The following PTPRA variants were observed in gnomAD, a reference collection of about 807,000 sequenced individuals.
PTPRA encodes the protein receptor-type tyrosine-protein phosphatase alpha.
In PTPRA, 25 loss-of-function variants were observed where a neutral mutation model predicts 104.8. The ratio of observed to expected loss-of-function variants is 0.24; its 90% CI spans 0.17 to 0.33. The LOEUF is 0.33. PTPRA is among the 10% of genes least tolerant of loss of function. The pLI is 1.00. For synonymous variants in PTPRA, 323 were observed against 368.9 expected, an observed-to-expected ratio of 0.88 and a Z score of 1.43; for missense variants, 765 against 1,015.3, an observed-to-expected ratio of 0.75 and a Z score of 3.35.
intron 10 of PTPRA, among the ~76,000 whole-genome samples, chr20:3,006,819 C>T (rs1361311303): frequency 2.0e-5 from 3 of 152,096 alleles, no homozygotes; most frequent in South Asian, 2.1e-4. Flanking sequence ...TTAGTAGAGA[C>T]GGAGTTTCAC....
rs1280410788 is a variant in PTPRA at position 2,884,832 on chromosome 20, C to T, written c.-129+11072C>T. Reference sequence around the variant, plus strand: ...TTTTTGTTTTTTTTTTTTTTTGAGACGGAGTCTCGCTCTGTCGCCCAGGCT... The same window carrying T: ...TTTTTGTTTTTTTTTTTTTTTGAGATGGAGTCTCGCTCTGTCGCCCAGGCT... On this transcript the variant is annotated intron_variant, in intron 1 of 23. Coordinates refer to ENST00000399903, the MANE Select transcript of PTPRA (RefSeq NM_001385305.1). Among the ~76,000 whole-genome samples the T allele has an allele frequency of 4.4e-5, 6 of 137,348 alleles. No homozygotes were observed. In the South Asian group the frequency reaches 6.9e-4, roughly 16 times the overall value. The allele number at this position is 137,348 out of a possible 152,430, so 90.1% of individuals were successfully genotyped here.
chr20:3,037,145 C>G lies in PTPRA; in HGVS notation c.2199-9C>G, dbSNP rs545506432. 1,643 of 1,613,362 alleles carry G rather than the reference C, an allele frequency of 1.0e-3. 25 individuals carry two copies. In the South Asian group the frequency reaches 0.017, roughly 16 times the overall value. Reference sequence around the variant, plus strand: ...CACAGGTGTGGTAAATGTGTCTGCTCTGTTGCAGCGCCGGGGCAGGAAGGA... The same window carrying G: ...CACAGGTGTGGTAAATGTGTCTGCTGTGTTGCAGCGCCGGGGCAGGAAGGA... On this transcript the variant is annotated splice_polypyrimidine_tract_variant and intron_variant, in intron 22 of 23. Coordinates refer to ENST00000399903, the MANE Select transcript of PTPRA (RefSeq NM_001385305.1). The surrounding 1 kb of genome is among the most constrained non-coding windows in gnomAD (Gnocchi z 4.3).
chr20:3,031,339 G>A (rs113835635), intron 20 of PTPRA, among the ~76,000 whole-genome samples: 88 of 151,688 alleles, frequency 5.8e-4, no homozygotes, highest in African/African-American at 2.1e-3. Context: ...AGGCCGTAAC[G>A]TGAACACACA....
chr20:2,923,844 T>C (rs1390310197), intron 2 of PTPRA, among the ~76,000 whole-genome samples: 1 of 152,112 alleles, frequency 6.6e-6, no homozygotes, highest in Non-Finnish European at 1.5e-5. Flanking sequence ...CCTGCCAGCA[T>C]TGAATTAAAG....
chr20:2,898,166 G>A (rs1334041939), intron 1 of PTPRA, among the ~76,000 whole-genome samples: 8 of 151,702 alleles, frequency 5.3e-5, no homozygotes, highest in Admixed American at 2.6e-4. Flanking sequence ...GCGCGATCTC[G>A]GCTCACTGCA....
At position 2,986,747 on chromosome 20, in the gene PTPRA, C is replaced by A. The variant is rs749274732; in HGVS notation, c.443-18C>A. On this transcript the variant is annotated intron_variant, in intron 6 of 23. Transcript: ENST00000399903. ...TTGCACAACACAGTAATGACTTGTT[C>A]TGTTGTCTTGATTTCAGATGAGACA... 6.3e-7 allele frequency: 1 copy of A among 1,592,306 alleles called. No homozygotes were observed. The highest frequency in any genetic ancestry group is 1.1e-5 in the South Asian group (1 of 90,678).
At chr20:2,981,007 T>G (rs2062651550) in intron 6 of PTPRA, among the ~76,000 whole-genome samples, 1 of 152,142 alleles carries the variant, frequency 6.6e-6, no homozygotes, top group African/African-American at 2.4e-5. Context: ...CTTTCCTCTC[T>G]TGTGGTTGCC....
chr20:2,934,367 G>T (rs1568659593), intron 2 of PTPRA, among the ~76,000 whole-genome samples: 1 of 152,092 alleles, frequency 6.6e-6, no homozygotes, highest in Non-Finnish European at 1.5e-5. Context: ...GCCTCCCAAA[G>T]TACTAGGATT....
At chr20:2,963,314 T>G (rs1037856787) in intron 3 of PTPRA, among the ~76,000 whole-genome samples, 2 of 152,086 alleles carry the variant, frequency 1.3e-5, no homozygotes, top group African/African-American at 2.4e-5. Context: ...TTAAAAAAGT[T>G]TTTTGGTCCA....
chr20:2,987,954 A>G (rs759336448), intron 7 of PTPRA, 78 bp from the exon 8 acceptor site: 14 of 1,296,170 alleles, frequency 1.1e-5, no homozygotes, highest in Non-Finnish European at 1.6e-5. Flanking sequence ...GGCTGAATTG[A>G]TGAGCAGGAA....
chr20:2,886,222 T>C (rs986595034), intron 1 of PTPRA, among the ~76,000 whole-genome samples: 33 of 152,218 alleles, frequency 2.2e-4, no homozygotes, highest in Non-Finnish European at 7.3e-5. Flanking sequence ...TTTTAAACAA[T>C]TTTAATTTTT....
intron 17 of PTPRA, 141 bp from the exon 18 acceptor site, chr20:3,026,546 A>G (rs750932375): frequency 9.1e-5 from 58 of 636,600 alleles, no homozygotes; most frequent in Non-Finnish European, 1.5e-4. Context: ...AGCTGAACAT[A>G]TGGGAACAGA....
intron 2 of PTPRA, among the ~76,000 whole-genome samples, chr20:2,923,574 A>G (rs1376862567): frequency 4.0e-5 from 6 of 151,874 alleles, no homozygotes; most frequent in Non-Finnish European, 8.8e-5. Context: ...CGAGGCGGGC[A>G]GATCACTTGA....
rs369815379 is a variant in PTPRA, at chr20:2,950,914, TC to T, written c.-7+2891del. On this transcript the variant is annotated intron_variant, in intron 3 of 23. Transcript: ENST00000399903. The surrounding 1 kb of genome is among the most constrained non-coding windows in gnomAD (Gnocchi z 4.0). ...ACAACAAGAGTGTGAACATATAATCTCTCCCCAAAGTTTTCTTGTGTCTTTT... is the reference window on the plus strand; with the variant it reads ...ACAACAAGAGTGTGAACATATAATCTTCCCCAAAGTTTTCTTGTGTCTTTT... Among the ~76,000 whole-genome samples the T allele has an allele frequency of 1.5e-4, 23 of 152,074 alleles. No homozygotes were observed. Among genetic ancestry groups the T allele is most frequent in the African/African-American group, 4.8e-4 (20 of 41,432 alleles).
At chr20:2,962,368 C>G (rs2061785521) in intron 3 of PTPRA, among the ~76,000 whole-genome samples, 1 of 151,958 alleles carries the variant, frequency 6.6e-6, no homozygotes, top group Non-Finnish European at 1.5e-5. Context: ...CATTTATTTT[C>G]TTTTAAAATG....
At chr20:2,910,148 A>T (rs2059619718) in intron 1 of PTPRA, among the ~76,000 whole-genome samples, 1 of 97,516 alleles carries the variant, frequency 1.0e-5, no homozygotes, top group Non-Finnish European at 2.0e-5. Context: ...AACATCATAT[A>T]TACTATACGT....
At chr20:2,956,270 A>G (rs996479766) in intron 3 of PTPRA, among the ~76,000 whole-genome samples, 5 of 152,320 alleles carry the variant, frequency 3.3e-5, no homozygotes, top group African/African-American at 1.2e-4. Context: ...CCTTGCTGTG[A>G]TAAAACCTTT....
chr20:2,907,285 T>A (rs2059460967), intron 1 of PTPRA, among the ~76,000 whole-genome samples: 1 of 151,892 alleles, frequency 6.6e-6, no homozygotes, highest in South Asian at 2.1e-4. Context: ...TTGTGAAAAA[T>A]TTCAATCTCA....
chr20:2,963,339 C>G (rs902022463), intron 3 of PTPRA, among the ~76,000 whole-genome samples: 2 of 152,144 alleles, frequency 1.3e-5, no homozygotes, highest in African/African-American at 4.8e-5. Flanking sequence ...TGATGACTCA[C>G]GCCTGTAATC....
Sources: allele counts gnomAD v4.1 joint callset (sites outside exome capture counted in the v4.1 genomes callset), GRCh38; gene constraint gnomAD v4.1.1; non-coding constraint Gnocchi (gnomAD v3.1); transcripts MANE v1.5; gene names NCBI Gene and HGNC (gene_info 2026-07-23, HGNC 2026-07-21).